CCDC171: variants seen among roughly 807,000 people sequenced by gnomAD.
CCDC171 encodes coiled-coil domain-containing protein 171.
Under a neutral mutation model 168.2 loss-of-function variants are expected in CCDC171, and 177 were observed. The ratio of observed to expected loss-of-function variants is 1.05; its 90% CI spans 0.93 to 1.19. The LOEUF is 1.19. Ranked by LOEUF, CCDC171 falls within the 50% of genes most tolerant of loss-of-function variation. The pLI is 0.00. For synonymous variants in CCDC171, 687 were observed against 540.8 expected, an observed-to-expected ratio of 1.27 and a Z score of -3.75; for missense variants, 1,991 against 1,539.0, an observed-to-expected ratio of 1.29 and a Z score of -4.91.
chr9:15,757,688 A>G (rs1348006196), intron 18 of CCDC171, among the ~76,000 whole-genome samples: 1 of 152,182 alleles, frequency 6.6e-6, no homozygotes. Flanking sequence ...TCACAGGCCC[A>G]GAGTCTTAGG....
the CCDC171 span, among the ~76,000 whole-genome samples, chr9:16,072,179 G>A: frequency 6.6e-6 from 1 of 152,198 alleles, no homozygotes; most frequent in Non-Finnish European, 1.5e-5. Flanking sequence ...TTCCGAGATT[G>A]TAAAAGTCCA....
At chr9:15,927,042 T>C (rs1311291004) in intron 25 of CCDC171, among the ~76,000 whole-genome samples, 1 of 151,730 alleles carries the variant, frequency 6.6e-6, no homozygotes, top group Non-Finnish European at 1.5e-5. Flanking sequence ...ATATTCATTA[T>C]TTATCAAAAA....
intron 3 of CCDC171, among the ~76,000 whole-genome samples, chr9:16,004,888 T>A (rs1832652049): frequency 6.6e-6 from 1 of 152,092 alleles, no homozygotes; most frequent in Non-Finnish European, 1.5e-5. Flanking sequence ...TAGAAGAGTC[T>A]GACCTTGGAA....
At chr9:16,106,371 C>T in the CCDC171 span, among the ~76,000 whole-genome samples, 1 of 152,206 alleles carries the variant, frequency 6.6e-6, no homozygotes, top group African/African-American at 2.4e-5. Flanking sequence ...TTGGACTCCG[C>T]ATTTCCGTAG....
intron 25 of CCDC171, among the ~76,000 whole-genome samples, chr9:15,954,056 C>G (rs1564062806): frequency 6.6e-6 from 1 of 150,890 alleles, no homozygotes; most frequent in Non-Finnish European, 1.5e-5. Flanking sequence ...ATTTGAGTTT[C>G]TTTTTTTCTT....
At chr9:15,968,536 G>A (rs1037905655) in intron 25 of CCDC171, among the ~76,000 whole-genome samples, 2 of 114,484 alleles carry the variant, frequency 1.7e-5, no homozygotes, top group African/African-American at 6.7e-5. Context: ...ATTGTTGCTG[G>A]CTTTTTTTTT....
chr9:15,665,615 T>C (rs2048678772), intron 8 of CCDC171, among the ~76,000 whole-genome samples: 1 of 152,062 alleles, frequency 6.6e-6, no homozygotes, highest in Non-Finnish European at 1.5e-5. Flanking sequence ...GCCCTATCTC[T>C]ACAAAAAATA....
chr9:15,753,547 C>G (rs556229027), intron 18 of CCDC171, among the ~76,000 whole-genome samples: 2 of 152,086 alleles, frequency 1.3e-5, no homozygotes, highest in Non-Finnish European at 2.9e-5. Flanking sequence ...TGGCCCCTTA[C>G]AACACTTTCA....
intron 4 of CCDC171, among the ~76,000 whole-genome samples, chr9:15,580,418 G>A (rs1484054792): frequency 6.6e-6 from 1 of 152,090 alleles, no homozygotes; most frequent in East Asian, 1.9e-4. Flanking sequence ...CTTTTGCACA[G>A]CAAAAGAATA....
intron 6 of CCDC171, among the ~76,000 whole-genome samples, chr9:15,621,060 G>A (rs551499347): frequency 1.2e-4 from 18 of 152,246 alleles, no homozygotes; most frequent in African/African-American, 4.3e-4. Context: ...CTGCTTCCTG[G>A]GTTCAAGCGA....
At position 15,653,799 on chromosome 9, in the gene CCDC171, T is replaced by C. The variant is rs2047714813; in HGVS notation, c.823-3328T>C. The stretch of plus-strand genomic sequence containing the variant: ...AAAATTTACTTAGTTAATTCTTTTA[T>C]AGAGATGCAGTTTTTCTCTGTTGCC... On this transcript the variant is annotated intron_variant, in intron 7 of 25. Transcript: ENST00000380701. 3.3e-5 allele frequency among the ~76,000 whole-genome samples: 5 copies of C among 152,312 alleles called. 1 individual carries two copies. The South Asian group carries it at 1.0e-3, about 32-fold the overall frequency.
chr9:15,858,907 A>G (rs976175606), intron 23 of CCDC171, among the ~76,000 whole-genome samples: 19 of 152,058 alleles, frequency 1.2e-4, no homozygotes, highest in African/African-American at 4.3e-4. Flanking sequence ...GCTTGCTAGG[A>G]CATTCAGTGA....
intron 3 of CCDC171, among the ~76,000 whole-genome samples, chr9:16,018,059 A>G (rs1212481635): frequency 6.6e-6 from 1 of 152,216 alleles, no homozygotes; most frequent in Non-Finnish European, 1.5e-5. Context: ...AGGGAGTCCA[A>G]TAAATGTAGT....
chr9:15,738,255 C>T (rs2054618373), intron 16 of CCDC171, among the ~76,000 whole-genome samples: 1 of 152,122 alleles, frequency 6.6e-6, no homozygotes, highest in Admixed American at 6.6e-5. Context: ...TAAGGCATCC[C>T]TCAAAGTTCA....
chr9:15,742,479 A>C lies in CCDC171; in HGVS notation c.2050-1794A>C, dbSNP rs536551857. The stretch of plus-strand genomic sequence containing the variant: ...TCCTGCTTTAATATAGCTATAAGCC[A>C]AGTGTCAAGTTTTATTTTTCCTTGA... On this transcript the variant is annotated intron_variant, in intron 16 of 25. Transcript: ENST00000380701. 7.6e-4 allele frequency among the ~76,000 whole-genome samples: 116 copies of C among 152,314 alleles called. 1 individual carries two copies. Among genetic ancestry groups the C allele is most frequent in the African/African-American group, 2.6e-3 (108 of 41,572 alleles).
intron 21 of CCDC171, among the ~76,000 whole-genome samples, chr9:15,794,846 T>C (rs533537403): frequency 6.6e-6 from 1 of 152,348 alleles, no homozygotes; most frequent in African/African-American, 2.4e-5. Context: ...TTTAAAAATA[T>C]ATTGCTGCAC....
chr9:15,961,529 C>G (rs146099285), intron 25 of CCDC171, among the ~76,000 whole-genome samples: 1 of 152,246 alleles, frequency 6.6e-6, no homozygotes, highest in East Asian at 1.9e-4. Flanking sequence ...TAGGTGTTTA[C>G]TCAATGTAAA....
intron 18 of CCDC171, among the ~76,000 whole-genome samples, chr9:15,771,807 A>G (rs532212418): frequency 1.3e-5 from 2 of 152,006 alleles, no homozygotes; most frequent in Admixed American, 6.6e-5. Flanking sequence ...TGATTAAACT[A>G]TTTTTGCAGC....
intron 21 of CCDC171, among the ~76,000 whole-genome samples, chr9:15,788,079 G>A (rs988665945): frequency 3.9e-5 from 6 of 152,088 alleles, no homozygotes; most frequent in African/African-American, 1.4e-4. Context: ...TTGTTGTCAG[G>A]AATGGAGAAT....
Sources: allele counts gnomAD v4.1 joint callset (sites outside exome capture counted in the v4.1 genomes callset), GRCh38; gene constraint gnomAD v4.1.1; transcripts MANE v1.5; gene names NCBI Gene and HGNC (gene_info 2026-07-23, HGNC 2026-07-21).